The following HCLS1 variants were observed in gnomAD, a reference collection of about 807,000 sequenced individuals.
HCLS1 encodes the protein hematopoietic lineage cell-specific protein.
Under a neutral mutation model 68.6 loss-of-function variants are expected in HCLS1, and 44 were observed. That is an observed-to-expected ratio of 0.64 (90% CI 0.50 to 0.82). HCLS1 has a LOEUF of 0.82. HCLS1 is among the 40% of genes least tolerant of loss of function. HCLS1 has a pLI of 0.00. For synonymous variants in HCLS1, 217 were observed against 225.8 expected, an observed-to-expected ratio of 0.96 and a Z score of 0.35; for missense variants, 602 against 612.1, an observed-to-expected ratio of 0.98 and a Z score of 0.17.
At chr3:121,643,993 T>A (rs748428896) in intron 5 of HCLS1, 7 of 152,740 alleles carry the variant, frequency 4.6e-5, no homozygotes, top group Admixed American at 2.6e-4. Flanking sequence ...TTACCCCCCA[T>A]GATGCAAACA....
chr3:121,650,679 A>T (rs899232926), intron 3 of HCLS1, among the ~76,000 whole-genome samples: 2 of 152,238 alleles, frequency 1.3e-5, no homozygotes, highest in Admixed American at 6.5e-5. Flanking sequence ...TGTAAAAGCT[A>T]AAACTGTCAG....
rs145735987 is a variant in HCLS1, at chr3:121,634,363, C to A, written c.747G>T (p.Lys249Asn). Reference protein sequence around the residue: ...KAKFESMAEEKRKREEEEKAQ... With the variant: ...KAKFESMAEENRKREEEEKAQ... ...CCTTCTCCTCTTCCTCTCGCTTCCTCTTCTCCTCAGCCATGGACTCAAATT... is the reference window on the plus strand; with the variant it reads ...CCTTCTCCTCTTCCTCTCGCTTCCTATTCTCCTCAGCCATGGACTCAAATT... The change falls in exon 10 of 14, where the codon AAG becomes AAT. Residue 249 changes from lysine (K) to asparagine (N), a missense_variant. Lys to Asn is a moderately conservative substitution (Grantham distance 94, BLOSUM62 0). Coordinates refer to ENST00000314583, the MANE Select transcript of HCLS1 (RefSeq NM_005335.6). 19 of 1,614,060 alleles carry A rather than the reference C, an allele frequency of 1.2e-5. No homozygotes were observed. The African/African-American group carries it at 1.5e-4, about 12-fold the overall frequency.
chr3:121,646,236 T>A (rs2049246502), intron 4 of HCLS1, among the ~76,000 whole-genome samples: 1 of 109,146 alleles, frequency 9.2e-6, no homozygotes, highest in South Asian at 3.1e-4. Flanking sequence ...TATATTTATA[T>A]ATATTTTATA....
rs1190021981 is a variant in HCLS1, at chr3:121,645,021, A to C, written c.289-93T>G. On this transcript the variant is annotated intron_variant, in intron 4 of 13. Transcript: ENST00000314583. ...GGAGTGGGATGTAGGCATGTAAGAA[A>C]TTCCATTCTGGGTCAGATCTATAGC... is the stretch of plus-strand genomic sequence containing the variant. 7 of 953,488 alleles carry C rather than the reference A, an allele frequency of 7.3e-6. No homozygotes were observed. The African/African-American group carries it at 1.1e-4, about 15-fold the overall frequency. 59.1% of individuals were successfully genotyped at this position (953,488 alleles called of 1,614,324 possible).
chr3:121,657,325 A>G lies in HCLS1; in HGVS notation c.112T>C (p.Trp38Arg). 1 of 1,613,998 alleles carries G rather than the reference A, an allele frequency of 6.2e-7. No homozygotes were observed. The highest frequency in any genetic ancestry group is 8.5e-7 in the Non-Finnish European group (1 of 1,179,970). ...GACCCCTCGATGGTCTTGGCTCCCCATCGTTGCTCCTTTTCAGAGATGTCA... is the reference window on the plus strand; with the variant it reads ...GACCCCTCGATGGTCTTGGCTCCCCGTCGTTGCTCCTTTTCAGAGATGTCA... Reference protein sequence around the residue: ...VNDISEKEQRWGAKTIEGSGR... With the variant: ...VNDISEKEQRRGAKTIEGSGR... The change falls in exon 3 of 14, where the codon TGG (tryptophan) becomes CGG (arginine). Residue 38 changes from tryptophan to arginine, a missense_variant. Coordinates refer to ENST00000314583, the MANE Select transcript of HCLS1 (RefSeq NM_005335.6).
Position 121,647,232 on chromosome 3 carries a change from T to C in HCLS1, c.288+87A>G, listed in dbSNP as rs1937627309. ...TCCTAACCTCATGATCCACCCACCT[T>C]GGCCTTCCAAAGTGCTGGGATTACA... On this transcript the variant is annotated intron_variant, in intron 4 of 13. Coordinates refer to ENST00000314583, the MANE Select transcript of HCLS1 (RefSeq NM_005335.6). 2 of 1,352,384 alleles carry C rather than the reference T, an allele frequency of 1.5e-6. 1 individual carries two copies. Among genetic ancestry groups the C allele is most frequent in the Middle Eastern group, 3.7e-4 (2 of 5,440 alleles). The allele number at this position is 1,352,384 out of a possible 1,614,324, so 83.8% of individuals were successfully genotyped here. A position where few individuals can be genotyped will look rare whatever the true frequency, so the allele number is the denominator to read the frequency against.
At position 121,642,952 on chromosome 3, in the gene HCLS1, T is replaced by G. The variant is rs755366947; in HGVS notation, c.429A>C (p.Glu143Asp). ...KSAVGFDYKG[E>D]VEKHTSQKDY... is the part of the protein sequence containing the mutation. ...CTTTCTGAGATGTGTGCTTCTCCAC[T>G]TCTCCTTTATAATCAAAGCCGACTG... Residue 143 changes from glutamate (E) to aspartate (D), a missense_variant, in exon 6 of 14, where the codon GAA (glutamate) becomes GAC (aspartate). Physicochemically the swap from Glu to Asp is conservative, Grantham distance 45. Transcript: ENST00000314583. 4 of 1,613,248 alleles carry G rather than the reference T, an allele frequency of 2.5e-6. No individual in the cohort carries two copies. In the East Asian group the frequency reaches 8.9e-5, roughly 36 times the overall value.
chr3:121,633,828 C>G (rs2049122266), intron 10 of HCLS1, among the ~76,000 whole-genome samples: 1 of 152,226 alleles, frequency 6.6e-6, no homozygotes, highest in Non-Finnish European at 1.5e-5. Context: ...GCATGAGCCA[C>G]CACACCATGC....
intron 6 of HCLS1, 95 bp downstream of exon 6, chr3:121,642,832 G>A (rs1055806098): frequency 2.0e-6 from 2 of 983,170 alleles, no homozygotes; most frequent in East Asian, 2.4e-5. Context: ...GGTCATGGAA[G>A]TTAAAAAGCT....
intron 7 of HCLS1, 89 bp from the exon 8 acceptor site, chr3:121,636,578 G>A: frequency 1.0e-6 from 1 of 990,612 alleles, no homozygotes; most frequent in Non-Finnish European, 1.6e-6. Context: ...ACAGGAATGT[G>A]GAAAACAAAT....
rs1937919170 is a variant in HCLS1, at chr3:121,658,353, A to G, written c.1-6T>C. On this transcript the variant is annotated splice_region_variant and splice_polypyrimidine_tract_variant and intron_variant, in intron 1 of 13. Coordinates refer to ENST00000314583, the MANE Select transcript of HCLS1 (RefSeq NM_005335.6). ...CCCACTACAGACTTCCACATCTGAG[A>G]GTGACCGGAGATGGGAATAATTAGG... The G allele has an allele frequency of 6.2e-7, 1 of 1,609,082 alleles. No homozygotes were observed. The highest frequency in any genetic ancestry group is 1.1e-5 in the South Asian group (1 of 90,986).
At position 121,632,354 on chromosome 3, in the gene HCLS1, A is replaced by G. The variant is rs774760183; in HGVS notation, c.1218T>C (p.Ser406=). The change falls in exon 12 of 14, where the codon TCT becomes TCC. Residue 406 remains serine, a synonymous_variant. Transcript: ENST00000314583. ...CACCAGCCAGAGCAGAAGAAAAAGA[A>G]GAATCTTCAGGCTCGAGCACCTCCT... The part of the protein sequence containing the change: ...DYEEVLEPED[S]SFSSALAGSS... 7.5e-5 allele frequency: 121 copies of G among 1,614,012 alleles called. No individual in the cohort carries two copies. Among genetic ancestry groups the G allele is most frequent in the Admixed American group, 4.7e-4 (28 of 59,992 alleles).
At chr3:121,634,664 G>A (rs942549375) in intron 9 of HCLS1, among the ~76,000 whole-genome samples, 1 of 151,868 alleles carries the variant, frequency 6.6e-6, no homozygotes, top group African/African-American at 2.4e-5. Flanking sequence ...CTTGAGACAG[G>A]GTCTCAGCCC....
chr3:121,633,006 C>T, intron 11 of HCLS1, 61 bp downstream of exon 11: 1 of 1,197,632 alleles, frequency 8.3e-7, no homozygotes, highest in Non-Finnish European at 1.2e-6. Context: ...CCTGCACAGC[C>T]CACATTCCTA....
intron 4 of HCLS1, among the ~76,000 whole-genome samples, chr3:121,645,871 ATAAAC>A (rs1268378561): frequency 1.4e-5 from 2 of 145,430 alleles, no homozygotes; most frequent in African/African-American, 2.5e-5. Flanking sequence ...ATATTTATGA[ATAAAC>A]TATATATTTA....
At chr3:121,651,593 A>T (rs1937749968) in intron 3 of HCLS1, among the ~76,000 whole-genome samples, 1 of 151,942 alleles carries the variant, frequency 6.6e-6, no homozygotes, top group East Asian at 1.9e-4. Flanking sequence ...GCCAATTTTT[A>T]ATTTTTTTGT....
intron 3 of HCLS1, among the ~76,000 whole-genome samples, chr3:121,652,311 T>TA (rs1937768550): frequency 6.6e-6 from 1 of 152,182 alleles, no homozygotes; most frequent in Non-Finnish European, 1.5e-5. Context: ...TATATATATA[T>TA]AGTCAAAACT....
At chr3:121,639,817 G>A (rs987622728) in intron 6 of HCLS1, among the ~76,000 whole-genome samples, 41 of 152,124 alleles carry the variant, frequency 2.7e-4, no homozygotes, top group Non-Finnish European at 4.0e-4. Flanking sequence ...ATATAGTAAA[G>A]GAAGGCTTAA....
Position 121,632,158 on chromosome 3 carries a change from C to T in HCLS1, c.1267G>A (p.Gly423Arg). ...ATCCCCAGAGCCACAGCCCCAGCCC[C>T]AGCCCCAGCCGGGCAGCCTGATGAT... Reference protein sequence around the residue: ...AGSSGCPAGAGAGAVALGISA... With the variant: ...AGSSGCPAGARAGAVALGISA... The change falls in exon 13 of 14, where the codon GGG becomes AGG. Residue 423 changes from glycine (G) to arginine (R), a missense_variant. Gly to Arg is a moderately radical substitution (Grantham distance 125). Coordinates refer to ENST00000314583, the MANE Select transcript of HCLS1 (RefSeq NM_005335.6). The T allele has an allele frequency of 6.2e-7, 1 of 1,614,092 alleles. No homozygotes were observed. The highest frequency in any genetic ancestry group is 8.5e-7 in the Non-Finnish European group (1 of 1,180,006).
Sources: gnomAD v4.1 joint callset for allele counts (sites outside exome capture counted in the v4.1 genomes callset) on GRCh38, gnomAD v4.1.1 for gene constraint, MANE v1.5 for transcripts, NCBI Gene and HGNC (gene_info 2026-07-23, HGNC 2026-07-21) for gene names.